POLR2F: variants seen among roughly 807,000 people sequenced by gnomAD.
The protein encoded by POLR2F is DNA-directed RNA polymerases I, II, and III subunit RPABC2.
Under a neutral mutation model 22.7 loss-of-function variants are expected in POLR2F, and 12 were observed. That is an observed-to-expected ratio of 0.53 (90% CI 0.34 to 0.86). The LOEUF (loss-of-function observed/expected upper bound fraction) is 0.86. Ranked by LOEUF, POLR2F falls within the 40% of genes least tolerant of loss-of-function variation. The pLI, the probability that POLR2F is intolerant of heterozygous loss-of-function variation, is 0.02. For synonymous variants in POLR2F, 57 were observed against 66.0 expected (o/e 0.86, Z 0.66); for missense variants, 126 against 171.5 (o/e 0.73, Z 1.48).
chr22:38,033,496 A>AGCT (rs2085085568), intron 5 of POLR2F, among the ~76,000 whole-genome samples: 1 of 152,182 alleles, frequency 6.6e-6, no homozygotes, highest in Non-Finnish European at 1.5e-5. Context: ...ATGGGGCGAC[A>AGCT]GACAGGCCCA....
chr22:38,019,101 C>T lies in POLR2F; in HGVS notation c.121-6768C>T, dbSNP rs376920567. On this transcript the variant is annotated intron_variant, in intron 1 of 2. Transcript: ENST00000333418. ...GAGGTGTGGGGGCACCTGGGCCTTT[C>T]CCTGTGCACGTGGCTGTGTGTCGGT... Among the ~76,000 whole-genome samples, 74 of 151,730 alleles carry T rather than the reference C, an allele frequency of 4.9e-4. 3 individuals are homozygous for T. In the South Asian group the frequency reaches 0.015, roughly 31 times the overall value.
rs1209131716 is a variant in POLR2F, at chr22:38,025,709, G to C, written c.121-160G>C. 3 of 1,534,844 alleles carry C rather than the reference G, an allele frequency of 2.0e-6. No homozygotes were observed. In the South Asian group the frequency reaches 3.9e-5, roughly 20 times the overall value. ...GCTGGGTGGATATCATCACCCCATT[G>C]TACAGATGCATAAACTGAGCCCAGG... On this transcript the variant is annotated intron_variant, in intron 1 of 2. Coordinates refer to the POLR2F transcript ENST00000333418.
downstream of POLR2F, among the ~76,000 whole-genome samples, chr22:38,027,158 G>A (rs1268878155): frequency 2.0e-5 from 3 of 152,176 alleles, no homozygotes; most frequent in East Asian, 1.9e-4. Flanking sequence ...ACTCGTTAGC[G>A]TATGGGGGAT....
intron 4 of POLR2F, among the ~76,000 whole-genome samples, chr22:37,979,140 C>T (rs1055190524): frequency 6.6e-6 from 1 of 151,870 alleles, no homozygotes; most frequent in African/African-American, 2.4e-5. Flanking sequence ...CTCTGTCGCC[C>T]AGGCTGGAGT....
At chr22:37,993,405 G>A (rs766557270) in intron 1 of POLR2F, among the ~76,000 whole-genome samples, 2 of 152,158 alleles carry the variant, frequency 1.3e-5, no homozygotes, top group Non-Finnish European at 2.9e-5. Flanking sequence ...GCTCTCACCC[G>A]GTTTACTGCT....
At chr22:38,035,143 CT>C (rs2085103050) in intron 5 of POLR2F, among the ~76,000 whole-genome samples, 1 of 151,938 alleles carries the variant, frequency 6.6e-6, no homozygotes, top group South Asian at 2.1e-4. Flanking sequence ...CTCTCTCCCC[CT>C]GTGTGTGTCT....
intron 1 of POLR2F, among the ~76,000 whole-genome samples, chr22:38,005,753 C>T (rs78337237): frequency 0.015 from 2,312 of 152,264 alleles, 56 homozygotes; most frequent in African/African-American, 0.052. Flanking sequence ...GACCTCCTTG[C>T]GCTGTTTGTC....
In POLR2F at chr22:37,980,051, C is replaced by G. The variant is rs1356346024; in HGVS notation, c.293+12881C>G. Among the ~76,000 whole-genome samples the G allele has an allele frequency of 1.3e-5, 2 of 152,150 alleles. No homozygotes were observed. Among genetic ancestry groups the G allele is most frequent in the African/African-American group, 2.4e-5 (1 of 41,428 alleles). On this transcript the variant is annotated intron_variant, in intron 4 of 4. Coordinates refer to the POLR2F transcript ENST00000405557. The surrounding 1 kb of genome is among the most constrained non-coding windows in gnomAD (Gnocchi z 4.1). ...GGCTTAGCCTCCCTGTCTACTCCCC[C>G]CACCCCGGCCCTGAGCCCAGCCCTA...
rs771294108 is a variant in POLR2F at position 38,031,846 on chromosome 22, C to T, written c.453-9222C>T. Among the ~76,000 whole-genome samples the T allele has an allele frequency of 4.7e-4, 71 of 152,160 alleles. No homozygotes were observed. The highest frequency in any genetic ancestry group is 8.2e-4 in the Non-Finnish European group (56 of 68,034). The stretch of plus-strand genomic sequence containing the variant: ...TGAAGCTTCGGAGTCATTTTTGACT[C>T]ATCCATCCCCTTCATCCCCTATGGC... On this transcript the variant is annotated intron_variant, in intron 5 of 5. Coordinates refer to the POLR2F transcript ENST00000407936. The surrounding 1 kb of genome is among the most constrained non-coding windows in gnomAD (Gnocchi z 4.1).
chr22:38,030,744 A>G (rs3026669), downstream of POLR2F, among the ~76,000 whole-genome samples: 6,258 of 151,770 alleles, frequency 0.041, 434 homozygotes, highest in African/African-American at 0.14. Flanking sequence ...TTGCAGGGTC[A>G]CTCCCGGGAT....
chr22:38,015,096 G>A (rs906398839), intron 1 of POLR2F, among the ~76,000 whole-genome samples: 4 of 152,266 alleles, frequency 2.6e-5, no homozygotes, highest in Non-Finnish European at 2.9e-5. Flanking sequence ...ATGAGCCACC[G>A]CACCCGGCCT....
intron 1 of POLR2F, among the ~76,000 whole-genome samples, chr22:37,996,302 G>A (rs2084713153): frequency 6.6e-6 from 1 of 152,160 alleles, no homozygotes; most frequent in Non-Finnish European, 1.5e-5. Context: ...CAGGGAGGCA[G>A]GGAAAGAGGG....
chr22:37,994,160 G>T (rs1038996129), intron 1 of POLR2F, among the ~76,000 whole-genome samples: 1 of 152,134 alleles, frequency 6.6e-6, no homozygotes, highest in Non-Finnish European at 1.5e-5. Context: ...CCTTTCTAGG[G>T]TGCAGAGTTG....
intron 1 of POLR2F, among the ~76,000 whole-genome samples, chr22:38,019,046 G>C (rs1353410940): frequency 4.6e-5 from 7 of 152,132 alleles, no homozygotes; most frequent in Non-Finnish European, 1.0e-4. Flanking sequence ...GTGGAGGGAG[G>C]GGGTGGAAGA....
intron 1 of POLR2F, chr22:37,987,038 A>G (rs755270164): frequency 2.2e-6 from 1 of 456,462 alleles, no homozygotes; most frequent in South Asian, 1.5e-5. Flanking sequence ...TTCTCCAGGG[A>G]TGCTTGTGAC....
At chr22:38,018,365 C>T (rs1190855976) in intron 1 of POLR2F, among the ~76,000 whole-genome samples, 1 of 152,166 alleles carries the variant, frequency 6.6e-6, no homozygotes, top group Non-Finnish European at 1.5e-5. Flanking sequence ...ATGGTTCACT[C>T]TGGGGTCTGC....
Position 37,980,108 on chromosome 22 carries a change from G to C in POLR2F, c.293+12938G>C, listed in dbSNP as rs1483405560. 6.6e-6 allele frequency among the ~76,000 whole-genome samples: 1 copy of C among 152,066 alleles called. No homozygotes were observed. Among genetic ancestry groups the C allele is most frequent in the Non-Finnish European group, 1.5e-5 (1 of 68,012 alleles). Reference sequence around the variant, plus strand: ...GCTTTCTCAGAGGGTCCCTCCAGCCGAGACTCTGTCAGAGTCAGTGTACAC... The same window carrying C: ...GCTTTCTCAGAGGGTCCCTCCAGCCCAGACTCTGTCAGAGTCAGTGTACAC... On this transcript the variant is annotated intron_variant, in intron 4 of 4. Transcript: ENST00000405557. The surrounding 1 kb of genome is among the most constrained non-coding windows in gnomAD (Gnocchi z 4.1).
At chr22:37,994,488 A>G (rs920502130) in intron 1 of POLR2F, among the ~76,000 whole-genome samples, 2 of 152,024 alleles carry the variant, frequency 1.3e-5, no homozygotes, top group Non-Finnish European at 2.9e-5. Flanking sequence ...CTGGTACCAC[A>G]GGCACCAGCC....
intron 1 of POLR2F, among the ~76,000 whole-genome samples, chr22:37,993,418 C>T (rs2145790840): frequency 6.6e-6 from 1 of 152,336 alleles, no homozygotes. Context: ...TTACTGCTGT[C>T]CCTTAAAGGT....
Sources: gnomAD v4.1 joint callset for allele counts (sites outside exome capture counted in the v4.1 genomes callset) on GRCh38, gnomAD v4.1.1 for gene constraint, Gnocchi (gnomAD v3.1) non-coding constraint, MANE v1.5 for transcripts, NCBI Gene and HGNC (gene_info 2026-07-23, HGNC 2026-07-21) for gene names.